Variants in CUBN observed in about 807,000 individuals in gnomAD.
CUBN encodes the protein 460 kDa receptor.
A neutral mutation model predicts 405.3 loss-of-function variants in CUBN; 282 were observed. That is an observed-to-expected ratio of 0.70 (90% confidence interval 0.63 to 0.77). The LOEUF is 0.77. Among genes scored for constraint, CUBN ranks in the 30% least tolerant of loss-of-function variants. CUBN has a pLI of 0.00. For synonymous variants in CUBN, 1,684 were observed against 1,617.0 expected, an observed-to-expected ratio of 1.04 and a Z score of -0.99; for missense variants, 4,514 against 4,475.2, an observed-to-expected ratio of 1.01 and a Z score of -0.25.
chr10:17,072,543 C>A (rs796812080), intron 17 of CUBN, among the ~76,000 whole-genome samples: 9 of 151,912 alleles, frequency 5.9e-5, no homozygotes, highest in African/African-American at 2.2e-4. Flanking sequence ...ACAGTGAGAC[C>A]CAGCTCTATG....
chr10:17,007,681 G>A (rs974759910), intron 28 of CUBN, among the ~76,000 whole-genome samples: 5 of 152,170 alleles, frequency 3.3e-5, no homozygotes, highest in African/African-American at 1.2e-4. Flanking sequence ...AGGAAAAGAG[G>A]CTAGGAGTTT....
intron 60 of CUBN, among the ~76,000 whole-genome samples, chr10:16,850,484 A>G (rs1227734350): frequency 1.3e-5 from 2 of 152,016 alleles, no homozygotes; most frequent in East Asian, 1.9e-4. Flanking sequence ...TTATTTATTT[A>G]TTTTTGAGAC....
At chr10:17,119,726 G>T (rs1333840208) in intron 6 of CUBN, among the ~76,000 whole-genome samples, 1 of 152,136 alleles carries the variant, frequency 6.6e-6, no homozygotes, top group Non-Finnish European at 1.5e-5. Context: ...GAACAAAGAG[G>T]GAGTAACAGC....
At chr10:16,962,833 G>C (rs1340834807) in intron 31 of CUBN, among the ~76,000 whole-genome samples, 5 of 152,168 alleles carry the variant, frequency 3.3e-5, no homozygotes, top group African/African-American at 1.2e-4. Flanking sequence ...GCATGCAGGT[G>C]AGTGGCACCT....
At position 17,068,677 on chromosome 10, in the gene CUBN, A is replaced by G. The variant is rs767598689; in HGVS notation, c.2719T>C (p.Tyr907His). 2.5e-6 allele frequency: 4 copies of G among 1,612,898 alleles called. No individual in the cohort carries two copies. The highest frequency in any genetic ancestry group is 3.4e-6 in the Non-Finnish European group (4 of 1,179,008). The change falls in exon 20 of 67, where the codon TAT (tyrosine) becomes CAT (histidine). Residue 907 changes from tyrosine to histidine, a missense_variant. Coordinates refer to ENST00000377833, the MANE Select transcript of CUBN (RefSeq NM_001081.4). ...GAAGAACTTTTCACGAATGTGACATAAAGAAAATTGTACACAGATGTTATA... is the reference window on the plus strand; with the variant it reads ...GAAGAACTTTTCACGAATGTGACATGAAGAAAATTGTACACAGATGTTATA... ...SFITSVYNFL[Y>H]VTFVKSSSTE...
intron 58 of CUBN, 105 bp from the exon 59 acceptor site, chr10:16,869,958 G>T: frequency 1.3e-6 from 1 of 790,956 alleles, no homozygotes; most frequent in Non-Finnish European, 2.2e-6. Context: ...TACCAGTAGA[G>T]CATTCAAAAC....
chr10:16,998,423 C>T (rs1027489913), intron 28 of CUBN, among the ~76,000 whole-genome samples: 1 of 152,192 alleles, frequency 6.6e-6, no homozygotes, highest in African/African-American at 2.4e-5. Context: ...CATCAATCAA[C>T]AGAAGCTAGA....
intron 31 of CUBN, among the ~76,000 whole-genome samples, chr10:16,959,645 A>G (rs1334671869): frequency 1.3e-5 from 2 of 151,980 alleles, no homozygotes; most frequent in Non-Finnish European, 2.9e-5. Context: ...AAAAAAAGAC[A>G]AAAAACAACT....
chr10:17,019,447 C>T (rs912379843), intron 28 of CUBN, among the ~76,000 whole-genome samples: 2 of 152,080 alleles, frequency 1.3e-5, no homozygotes, highest in South Asian at 2.1e-4. Flanking sequence ...CTCTGCTTAA[C>T]GTCAAGGTGA....
At chr10:17,037,942 C>T (rs914699310) in intron 27 of CUBN, among the ~76,000 whole-genome samples, 24 of 142,934 alleles carry the variant, frequency 1.7e-4, no homozygotes, top group African/African-American at 5.4e-4. Flanking sequence ...ACACAGTCAC[C>T]TTTTTTTTTT....
intron 25 of CUBN, among the ~76,000 whole-genome samples, chr10:17,044,644 T>C (rs1229627673): frequency 6.6e-6 from 1 of 152,160 alleles, no homozygotes; most frequent in African/African-American, 2.4e-5. Flanking sequence ...AAAATCCTAG[T>C]GGAATGACTC....
At chr10:16,855,077 C>G (rs1588590427) in intron 59 of CUBN, among the ~76,000 whole-genome samples, 3 of 106,346 alleles carry the variant, frequency 2.8e-5, no homozygotes, top group Admixed American at 2.8e-4. Context: ...CTCCTCCCCT[C>G]CCCTCCCCTC....
At chr10:16,935,879 C>CAAAAA (rs369098280) in intron 39 of CUBN, among the ~76,000 whole-genome samples, 13 of 71,314 alleles carry the variant, frequency 1.8e-4, no homozygotes, top group Admixed American at 5.6e-4. Flanking sequence ...GACTCCATCT[C>CAAAAA]AAAAAAAAAA....
intron 31 of CUBN, among the ~76,000 whole-genome samples, chr10:16,961,275 T>C (rs181494924): frequency 1.3e-5 from 2 of 152,154 alleles, no homozygotes; most frequent in Admixed American, 6.5e-5. Flanking sequence ...TTTTGCTGTA[T>C]TGCCTAGTGT....
intron 18 of CUBN, 86 bp from the exon 19 acceptor site, chr10:17,071,690 G>A (rs994825752): frequency 6.8e-7 from 1 of 1,480,736 alleles, no homozygotes; most frequent in Non-Finnish European, 9.4e-7. Context: ...ACTGCCTGAG[G>A]AGATAACCGA....
intron 30 of CUBN, 47 bp downstream of exon 30, chr10:16,984,058 C>T (rs377539602): frequency 2.4e-5 from 38 of 1,600,800 alleles, no homozygotes; most frequent in Middle Eastern, 1.7e-4. Context: ...TGAAATTTAA[C>T]GAGGGCTCGG....
intron 60 of CUBN, among the ~76,000 whole-genome samples, chr10:16,848,027 T>G (rs115148465): frequency 0.011 from 1,643 of 152,300 alleles, 29 homozygotes; most frequent in African/African-American, 0.037. Flanking sequence ...ACGTTGCCAA[T>G]GGAAGGAAAT....
intron 14 of CUBN, among the ~76,000 whole-genome samples, chr10:17,098,205 C>T (rs1836417588): frequency 6.6e-6 from 1 of 152,186 alleles, no homozygotes; most frequent in Non-Finnish European, 1.5e-5. Context: ...AGTAGGCCAT[C>T]TTGGATATTC....
intron 65 of CUBN, among the ~76,000 whole-genome samples, chr10:16,830,232 T>A (rs1426669689): frequency 6.6e-6 from 1 of 152,192 alleles, no homozygotes; most frequent in Non-Finnish European, 1.5e-5. Flanking sequence ...CCTAGCTTAA[T>A]CTTGGTGTTT....
Sources: allele counts gnomAD v4.1 joint callset (sites outside exome capture counted in the v4.1 genomes callset), GRCh38; gene constraint gnomAD v4.1.1; transcripts MANE v1.5; gene names NCBI Gene and HGNC (gene_info 2026-07-23, HGNC 2026-07-21).